CATSPERE: variants seen among roughly 807,000 people sequenced by gnomAD.
CATSPERE encodes cation channel sperm-associated auxiliary subunit epsilon.
In CATSPERE, 93 loss-of-function variants were observed where a neutral mutation model predicts 114.1. The observed-to-expected ratio is 0.81, with a 90% CI of 0.69 to 0.97. CATSPERE has a LOEUF of 0.97. Among genes scored for constraint, CATSPERE ranks in the 50% least tolerant of loss-of-function variants. CATSPERE has a pLI of 0.00. For synonymous variants in CATSPERE, 341 were observed against 384.1 expected (o/e 0.89, Z 1.31); for missense variants, 1,058 against 1,131.6 (o/e 0.93, Z 0.93).
intron 17 of CATSPERE, among the ~76,000 whole-genome samples, chr1:244,595,241 A>G (rs1030329394): frequency 3.3e-5 from 5 of 152,184 alleles, no homozygotes; most frequent in African/African-American, 1.2e-4. Flanking sequence ...ACATATGCGC[A>G]GATATGCTGA....
chr1:244,530,009 A>G (rs1343539152), intron 8 of CATSPERE, among the ~76,000 whole-genome samples: 4 of 152,072 alleles, frequency 2.6e-5, no homozygotes, highest in Admixed American at 6.6e-5. Flanking sequence ...GTGCAATGGC[A>G]TGATCTTGGC....
At chr1:244,578,817 C>CATATAT (rs1384872310) in intron 11 of CATSPERE, among the ~76,000 whole-genome samples, 5 of 32,748 alleles carry the variant, frequency 1.5e-4, no homozygotes, top group Admixed American at 2.4e-4. Flanking sequence ...TATATAGGTG[C>CATATAT]ATATACATAT....
intron 5 of CATSPERE, among the ~76,000 whole-genome samples, chr1:244,489,162 C>G (rs556373535): frequency 6.6e-6 from 1 of 152,272 alleles, no homozygotes. Context: ...CACGTTCTTA[C>G]TATGTGTCCC....
chr1:244,553,626 C>CACACACACACATATATACAT (rs1558485048), intron 9 of CATSPERE, among the ~76,000 whole-genome samples: 14 of 146,674 alleles, frequency 9.5e-5, no homozygotes, highest in African/African-American at 2.3e-4. Context: ...CACACACACA[C>CACACACACACATATATACAT]ACACACACAC....
At chr1:244,455,237 A>G (rs1232134006) in intron 1 of CATSPERE, among the ~76,000 whole-genome samples, 1 of 151,978 alleles carries the variant, frequency 6.6e-6, no homozygotes, top group Non-Finnish European at 1.5e-5. Context: ...TAACTTTGCC[A>G]TTTATTGAGG....
rs1233954301 is a variant in CATSPERE, at chr1:244,607,222, G to A, written c.2403+1428G>A. 6.6e-6 allele frequency among the ~76,000 whole-genome samples: 1 copy of A among 152,184 alleles called. No individual in the cohort carries two copies. Among genetic ancestry groups the A allele is most frequent in the Non-Finnish European group, 1.5e-5 (1 of 68,032 alleles). Reference sequence around the variant, plus strand: ...ATACTTAAGGGTGAGATTTGGGGTTGATGTTCTCCCTCATCCATAGTATCA... The same window carrying A: ...ATACTTAAGGGTGAGATTTGGGGTTAATGTTCTCCCTCATCCATAGTATCA... On this transcript the variant is annotated intron_variant, in intron 18 of 21. Transcript: ENST00000366534. This position sits in a 1 kb window ranked among gnomAD's most constrained non-coding sequence, Gnocchi z 4.4.
At chr1:244,550,797 AGTAT>A (rs1421691394) in intron 8 of CATSPERE, among the ~76,000 whole-genome samples, 3 of 152,192 alleles carry the variant, frequency 2.0e-5, no homozygotes, top group African/African-American at 7.2e-5. Flanking sequence ...CACCAACCCA[AGTAT>A]GTATTCATTA....
In CATSPERE at chr1:244,568,842, G is replaced by A. The variant is rs1399080252; in HGVS notation, c.1508-3488G>A. ...CCCTGGCTTCAGCCCCCTTTCCAGC[G>A]GAGTGAATCGTTCTCTCTCACTGGT... On this transcript the variant is annotated intron_variant, in intron 10 of 21. Transcript: ENST00000366534. This position sits in a 1 kb window ranked among gnomAD's most constrained non-coding sequence, Gnocchi z 4.4. 1.3e-5 allele frequency among the ~76,000 whole-genome samples: 2 copies of A among 152,148 alleles called. No homozygotes were observed. Among genetic ancestry groups the A allele is most frequent in the Non-Finnish European group, 2.9e-5 (2 of 68,014 alleles).
At chr1:244,510,811 TC>T (rs1675576875) in intron 7 of CATSPERE, among the ~76,000 whole-genome samples, 1 of 142,876 alleles carries the variant, frequency 7.0e-6, no homozygotes, top group Admixed American at 6.9e-5. Flanking sequence ...AACATTTCTT[TC>T]TTTTTTTTTT....
intron 8 of CATSPERE, among the ~76,000 whole-genome samples, chr1:244,543,312 A>G (rs1190800891): frequency 2.6e-5 from 4 of 152,158 alleles, no homozygotes; most frequent in Non-Finnish European, 5.9e-5. Flanking sequence ...TTCTAAAAAG[A>G]AGGAAATTCT....
chr1:244,603,543 T>C (rs1292932192), intron 17 of CATSPERE, among the ~76,000 whole-genome samples: 1 of 152,170 alleles, frequency 6.6e-6, no homozygotes, highest in African/African-American at 2.4e-5. Context: ...AAATTAAACA[T>C]CATTGTAAAA....
At chr1:244,528,159 C>G (rs1050633253) in intron 8 of CATSPERE, among the ~76,000 whole-genome samples, 5 of 152,334 alleles carry the variant, frequency 3.3e-5, no homozygotes, top group Admixed American at 1.3e-4. Context: ...CCACTCACCC[C>G]ACCATGTGTC....
At chr1:244,537,327 T>C (rs1437572492) in intron 8 of CATSPERE, among the ~76,000 whole-genome samples, 1 of 152,242 alleles carries the variant, frequency 6.6e-6, no homozygotes, top group East Asian at 1.9e-4. Flanking sequence ...ATTATATTAA[T>C]TGATTTTTGA....
rs1662439922 is a variant in CATSPERE, at chr1:244,560,818, G to C, written c.1180G>C (p.Val394Leu). Residue 394 changes from valine to leucine, a missense_variant, in exon 10 of 22, where the codon GTT becomes CTT. This residue lies in a region of CATSPERE where 787 missense variants were observed against 905.6 expected (regional missense o/e 0.87). Transcript: ENST00000366534. ...SVTATLTIDR[V>L]EYTGHPLEIA... Reference sequence around the variant, plus strand: ...GACTGCTACTCTGACCATAGACAGGGTTGAGTATACAGGACACCCTCTGGA... The same window carrying C: ...GACTGCTACTCTGACCATAGACAGGCTTGAGTATACAGGACACCCTCTGGA... 1.2e-6 allele frequency: 2 copies of C among 1,614,056 alleles called. No homozygotes were observed. The highest frequency in any genetic ancestry group is 2.2e-5 in the East Asian group (1 of 44,844).
chr1:244,553,622 C>CAT (rs1553356173), intron 9 of CATSPERE, among the ~76,000 whole-genome samples: 1 of 141,300 alleles, frequency 7.1e-6, no homozygotes, highest in African/African-American at 2.9e-5. Context: ...CACACACACA[C>CAT]ACACACACAC....
chr1:244,512,267 A>C (rs566783797), intron 7 of CATSPERE, among the ~76,000 whole-genome samples: 2 of 152,324 alleles, frequency 1.3e-5, no homozygotes, highest in African/African-American at 4.8e-5. Flanking sequence ...GGGTTATTGC[A>C]AAAGACCTGT....
intron 6 of CATSPERE, among the ~76,000 whole-genome samples, chr1:244,495,516 A>T (rs1239579739): frequency 6.6e-6 from 1 of 152,042 alleles, no homozygotes; most frequent in African/African-American, 2.4e-5. Flanking sequence ...AGGTCAGGAG[A>T]TTGAGACCAT....
intron 5 of CATSPERE, among the ~76,000 whole-genome samples, chr1:244,484,687 T>C (rs918371678): frequency 6.6e-6 from 1 of 152,212 alleles, no homozygotes; most frequent in African/African-American, 2.4e-5. Context: ...TTGGACATTT[T>C]TCAGTCAATA....
rs147990699 is a variant in CATSPERE, at chr1:244,571,715, G to A, written c.1508-615G>A. ...GATTTTCTCATATTTCTAGAGGCTA[G>A]AAGTCCAAGATCAAGGTACTGTCAG... is the stretch of plus-strand genomic sequence containing the variant. On this transcript the variant is annotated intron_variant, in intron 10 of 21. Coordinates refer to ENST00000366534, the MANE Select transcript of CATSPERE (RefSeq NM_001130957.2). Among the ~76,000 whole-genome samples the A allele has an allele frequency of 3.0e-3, 459 of 152,318 alleles. 3 individuals carry two copies. The highest frequency in any genetic ancestry group is 0.01 in the African/African-American group (424 of 41,574).
Sources: allele counts gnomAD v4.1 joint callset (sites outside exome capture counted in the v4.1 genomes callset), GRCh38; gene constraint gnomAD v4.1.1; regional missense constraint gnomAD v4.1.1; non-coding constraint Gnocchi (gnomAD v3.1); transcripts MANE v1.5; gene names NCBI Gene and HGNC (gene_info 2026-07-23, HGNC 2026-07-21).